The following AQP11 variants were observed in gnomAD, a reference collection of about 807,000 sequenced individuals.
AQP11 encodes the protein aquaporin-11.
In AQP11, 20 loss-of-function variants were observed where a neutral mutation model predicts 21.1. That is an observed-to-expected ratio of 0.95 (90% CI 0.67 to 1.38). The LOEUF is 1.38. Among genes scored for constraint, AQP11 ranks in the 40% most tolerant of loss-of-function variants. The pLI is 0.00. For missense variants in AQP11, 339 were observed against 340.4 expected, an observed-to-expected ratio of 1.00 and a Z score of 0.03; for synonymous variants, 167 against 150.1, an observed-to-expected ratio of 1.11 and a Z score of -0.82.
At chr11:77,605,734 A>G (rs1161057880) in intron 2 of AQP11, among the ~76,000 whole-genome samples, 6 of 152,122 alleles carry the variant, frequency 3.9e-5, no homozygotes, top group African/African-American at 1.4e-4. Flanking sequence ...TTAAGGAATT[A>G]TTTCATCCAT....
intron 1 of AQP11, among the ~76,000 whole-genome samples, chr11:77,596,940 T>A (rs1958786940): frequency 6.6e-6 from 1 of 152,008 alleles, no homozygotes; most frequent in African/African-American, 2.4e-5. Flanking sequence ...AATGAAGAAA[T>A]TTCATAAGAC....
intron 1 of AQP11, 91 bp from the exon 2 acceptor site, chr11:77,603,460 CTAAAA>C: frequency 2.3e-6 from 2 of 858,202 alleles, no homozygotes; most frequent in South Asian, 2.1e-5. Context: ...CTAAGAATAC[CTAAAA>C]TAAAAGTCAC....
chr11:77,603,741 T>A, intron 2 of AQP11, 69 bp downstream of exon 2: 4 of 1,117,510 alleles, frequency 3.6e-6, no homozygotes, highest in Non-Finnish European at 5.0e-6. Flanking sequence ...TGTATATCAT[T>A]GTAACATGTC....
chr11:77,602,685 G>C (rs1161224141), intron 1 of AQP11, among the ~76,000 whole-genome samples: 1 of 152,144 alleles, frequency 6.6e-6, no homozygotes, highest in Non-Finnish European at 1.5e-5. Flanking sequence ...TCTTATGAAA[G>C]GGCCACTTAA....
intron 2 of AQP11, among the ~76,000 whole-genome samples, chr11:77,608,156 T>C (rs150457341): frequency 6.6e-6 from 1 of 152,326 alleles, no homozygotes; most frequent in East Asian, 1.9e-4. Flanking sequence ...CCTGAATACA[T>C]TCAGTTTAAG....
intron 2 of AQP11, among the ~76,000 whole-genome samples, chr11:77,606,068 A>C (rs955957129): frequency 6.8e-6 from 1 of 146,846 alleles, no homozygotes; most frequent in Non-Finnish European, 1.5e-5. Context: ...AAAAAAGCAC[A>C]GTGGCACATG....
In AQP11 at chr11:77,589,965, C is replaced by G; in HGVS notation, c.-28C>G. On this transcript the variant is annotated 5_prime_UTR_variant, in exon 1 of 3. Coordinates refer to ENST00000313578, the MANE Select transcript of AQP11 (RefSeq NM_173039.3). ...CCGCCTCCTACCCAGAGCCGGAGCC[C>G]GCAACCCGCTCAGGCGGCGACGGAG... 6.9e-7 allele frequency: 1 copy of G among 1,447,598 alleles called. No individual in the cohort carries two copies. Among genetic ancestry groups the G allele is most frequent in the Non-Finnish European group, 9.0e-7 (1 of 1,107,778 alleles). 89.7% of individuals were successfully genotyped at this position (1,447,598 alleles called of 1,614,324 possible).
At chr11:77,603,752 A>AT in intron 2 of AQP11, 80 bp downstream of exon 2, 2 of 1,057,770 alleles carry the variant, frequency 1.9e-6, no homozygotes, top group East Asian at 2.7e-5. Context: ...GTAACATGTC[A>AT]ATTTCCAAAG....
At position 77,605,626 on chromosome 11, in the gene AQP11, G is replaced by A. The variant is rs116880089; in HGVS notation, c.736+1954G>A. On this transcript the variant is annotated intron_variant, in intron 2 of 2. Transcript: ENST00000313578. ...TCTAACTAATGCCTGATGATCCAAG[G>A]TGGAACAGTTCCATCCCAAAACCAT... Among the ~76,000 whole-genome samples the A allele has an allele frequency of 2.8e-3, 427 of 152,252 alleles. 4 individuals are homozygous for A. Among genetic ancestry groups the A allele is most frequent in the East Asian group, 0.02 (104 of 5,188 alleles).
rs373181648 is a variant in AQP11 at position 77,603,536 on chromosome 11, C to T, written c.620-20C>T. ...GGAAGATAAATCATTTGAAATCACT[C>T]TGCTTAAAATCTGTTACAGGAGGAA... On this transcript the variant is annotated intron_variant, in intron 1 of 2. Transcript: ENST00000313578. 2 of 1,490,708 alleles carry T rather than the reference C, an allele frequency of 1.3e-6. No individual in the cohort carries two copies. The highest frequency in any genetic ancestry group is 2.6e-5 in the South Asian group (2 of 77,604). 92.3% of individuals were successfully genotyped at this position (1,490,708 alleles called of 1,614,324 possible).
At chr11:77,601,082 T>C (rs1028300690) in intron 1 of AQP11, among the ~76,000 whole-genome samples, 1 of 152,060 alleles carries the variant, frequency 6.6e-6, no homozygotes, top group Non-Finnish European at 1.5e-5. Context: ...AGGACAGTAA[T>C]TCTGAACTTA....
chr11:77,590,151 C>T lies in AQP11; in HGVS notation c.159C>T (p.Ala53=). 6.2e-7 allele frequency: 1 copy of T among 1,608,202 alleles called. No homozygotes were observed. Among genetic ancestry groups the T allele is most frequent in the Non-Finnish European group, 8.5e-7 (1 of 1,179,304 alleles). Residue 53 remains alanine (A), a synonymous_variant, in exon 1 of 3, where the codon GCC becomes GCT. Coordinates refer to ENST00000313578, the MANE Select transcript of AQP11 (RefSeq NM_173039.3). ...ACGCCTTCGTCCTGGAGTTTCTAGC[C>T]ACCTTCCAGCTCTGCTGCTGCACCC... ...VAHAFVLEFL[A]TFQLCCCTHE...
chr11:77,593,228 T>C (rs181728855), intron 1 of AQP11, among the ~76,000 whole-genome samples: 2 of 152,150 alleles, frequency 1.3e-5, no homozygotes, highest in East Asian at 3.9e-4. Context: ...CAGTATGATC[T>C]TCCCTTTGTT....
chr11:77,601,538 C>T (rs1290309070), intron 1 of AQP11, among the ~76,000 whole-genome samples: 2 of 151,912 alleles, frequency 1.3e-5, no homozygotes, highest in Non-Finnish European at 2.9e-5. Context: ...CTTATAGAAA[C>T]GGGGTTTTGC....
chr11:77,590,297 G>A lies in AQP11; in HGVS notation c.305G>A (p.Gly102Asp). The change falls in exon 1 of 3, where the codon GGC becomes GAC. Residue 102 changes from glycine (G) to aspartate (D), a missense_variant. Transcript: ENST00000313578. ...TLVGTSSNPC[G>D]VMMQMMLGGM... ...GTGGGCACGTCCAGCAACCCGTGCGGCGTGATGATGCAGATGATGCTGGGG... is the reference window on the plus strand; with the variant it reads ...GTGGGCACGTCCAGCAACCCGTGCGACGTGATGATGCAGATGATGCTGGGG... The A allele has an allele frequency of 6.2e-7, 1 of 1,606,300 alleles. No homozygotes were observed. Among genetic ancestry groups the A allele is most frequent in the African/African-American group, 1.3e-5 (1 of 74,898 alleles).
At chr11:77,606,192 G>A (rs981910257) in intron 2 of AQP11, among the ~76,000 whole-genome samples, 6 of 151,938 alleles carry the variant, frequency 3.9e-5, no homozygotes, top group Non-Finnish European at 7.4e-5. Flanking sequence ...TTTTTAAAAA[G>A]GGTCTTTATG....
At chr11:77,607,579 TA>T (rs1372997898) in intron 2 of AQP11, among the ~76,000 whole-genome samples, 2 of 152,004 alleles carry the variant, frequency 1.3e-5, no homozygotes, top group African/African-American at 4.8e-5. Flanking sequence ...CTTACCAAAT[TA>T]AAAATTTAGA....
chr11:77,601,961 T>C (rs1260997470), intron 1 of AQP11, among the ~76,000 whole-genome samples: 1 of 152,110 alleles, frequency 6.6e-6, no homozygotes, highest in African/African-American at 2.4e-5. Context: ...ATCACTCCTG[T>C]TACATTCAGA....
At position 77,590,489 on chromosome 11, in the gene AQP11, C is replaced by A; in HGVS notation, c.497C>A (p.Ala166Glu). The A allele has an allele frequency of 6.2e-7, 1 of 1,614,166 alleles. No individual in the cohort carries two copies. The highest frequency in any genetic ancestry group is 2.2e-5 in the East Asian group (1 of 44,874). The change falls in exon 1 of 3, where the codon GCG becomes GAG. Residue 166 changes from alanine (A) to glutamate (E), a missense_variant. Transcript: ENST00000313578. ...CCCATCCGAGTCGACTTGCTCAAAGCGGTCATCACAGAGGCCGTCTGCTCC... is the reference window on the plus strand; with the variant it reads ...CCCATCCGAGTCGACTTGCTCAAAGAGGTCATCACAGAGGCCGTCTGCTCC... ...KNPIRVDLLK[A>E]VITEAVCSFL...
Sources: gnomAD v4.1 joint callset for allele counts (sites outside exome capture counted in the v4.1 genomes callset) on GRCh38, gnomAD v4.1.1 for gene constraint, MANE v1.5 for transcripts, NCBI Gene and HGNC (gene_info 2026-07-23, HGNC 2026-07-21) for gene names.